ADAMTSL3: variants seen among roughly 807,000 people sequenced by gnomAD.
The protein encoded by ADAMTSL3 is ADAMTS-like protein 3.
A neutral mutation model predicts 201.7 loss-of-function variants in ADAMTSL3; 128 were observed. The ratio of observed to expected loss-of-function variants is 0.63; its 90% CI spans 0.55 to 0.73. The LOEUF is 0.73. Ranked by LOEUF, ADAMTSL3 falls within the 30% of genes least tolerant of loss-of-function variation. The pLI is 0.00. For synonymous variants in ADAMTSL3, 738 were observed against 748.4 expected (o/e 0.99, Z 0.23); for missense variants, 1,990 against 2,119.6 (o/e 0.94, Z 1.20).
intron 10 of ADAMTSL3, among the ~76,000 whole-genome samples, chr15:83,887,861 G>C (rs1166133162): frequency 1.3e-5 from 2 of 152,062 alleles, no homozygotes; most frequent in Non-Finnish European, 2.9e-5. Context: ...GAGTAGCTGG[G>C]AGTGCAGGCG....
chr15:83,675,219 C>G (rs2061386627), intron 2 of ADAMTSL3, among the ~76,000 whole-genome samples: 2 of 152,120 alleles, frequency 1.3e-5, no homozygotes, highest in South Asian at 2.1e-4. Context: ...TATGTGCTGC[C>G]TTGATATCTG....
chr15:83,744,276 A>G (rs1469364608), intron 3 of ADAMTSL3, among the ~76,000 whole-genome samples: 3 of 152,206 alleles, frequency 2.0e-5, no homozygotes, highest in African/African-American at 2.4e-5. Flanking sequence ...AAAACCACAC[A>G]CGTGACTTAA....
intron 23 of ADAMTSL3, among the ~76,000 whole-genome samples, chr15:84,002,273 T>G (rs1442904854): frequency 6.6e-6 from 1 of 152,184 alleles, no homozygotes; most frequent in Non-Finnish European, 1.5e-5. Context: ...ACCTTGTGCT[T>G]TGGCTTATGG....
chr15:83,714,178 G>A (rs947559479), intron 3 of ADAMTSL3, among the ~76,000 whole-genome samples: 1 of 152,172 alleles, frequency 6.6e-6, no homozygotes, highest in Non-Finnish European at 1.5e-5. Context: ...CACTGAGACA[G>A]TCCCAATTTC....
intron 5 of ADAMTSL3, among the ~76,000 whole-genome samples, chr15:83,818,216 C>G (rs1301783340): frequency 6.6e-6 from 1 of 152,086 alleles, no homozygotes; most frequent in Non-Finnish European, 1.5e-5. Flanking sequence ...ATACAAAGAT[C>G]TATGTTATTT....
chr15:83,715,341 T>C (rs1375439627), intron 3 of ADAMTSL3, among the ~76,000 whole-genome samples: 1 of 152,228 alleles, frequency 6.6e-6, no homozygotes, highest in African/African-American at 2.4e-5. Context: ...TGGACAGGTT[T>C]CTGTTTCTAA....
intron 1 of ADAMTSL3, 138 bp from the exon 2 acceptor site, chr15:83,655,591 G>A (rs536756037): frequency 3.0e-5 from 19 of 637,722 alleles, no homozygotes; most frequent in South Asian, 3.0e-4. Context: ...AGTAGGCAGC[G>A]GCAACCTGGG....
chr15:83,720,171 A>G (rs2062078828), intron 3 of ADAMTSL3, among the ~76,000 whole-genome samples: 1 of 152,190 alleles, frequency 6.6e-6, no homozygotes, highest in African/African-American at 2.4e-5. Context: ...GTGAGCAGAA[A>G]TCATACCACT....
chr15:83,948,251 A>G (rs574540363), intron 19 of ADAMTSL3, among the ~76,000 whole-genome samples: 15 of 152,254 alleles, frequency 9.9e-5, no homozygotes, highest in Non-Finnish European at 1.8e-4. Flanking sequence ...ACCACTTATG[A>G]TCTCATCCCA....
intron 2 of ADAMTSL3, among the ~76,000 whole-genome samples, chr15:83,678,244 T>G (rs555229482): frequency 3.3e-5 from 5 of 152,254 alleles, no homozygotes; most frequent in African/African-American, 1.2e-4. Context: ...TGTTGTTTCT[T>G]CCTTCCAAGA....
chr15:83,679,988 C>T (rs749552039), intron 2 of ADAMTSL3, among the ~76,000 whole-genome samples: 1 of 152,156 alleles, frequency 6.6e-6, no homozygotes, highest in African/African-American at 2.4e-5. Context: ...CCCAGAGTGT[C>T]CACTACCATT....
intron 22 of ADAMTSL3, among the ~76,000 whole-genome samples, chr15:83,989,982 G>A (rs970745489): frequency 6.6e-6 from 1 of 152,170 alleles, no homozygotes; most frequent in Non-Finnish European, 1.5e-5. Context: ...GTGTAGAGAT[G>A]TAAATAATGT....
chr15:83,951,551 A>G (rs908702493), intron 19 of ADAMTSL3, among the ~76,000 whole-genome samples: 7 of 152,246 alleles, frequency 4.6e-5, no homozygotes, highest in East Asian at 1.9e-4. Context: ...GAAGTATTCT[A>G]TCCTCCACTA....
At chr15:83,926,239 A>G (rs1304087378) in intron 17 of ADAMTSL3, among the ~76,000 whole-genome samples, 1 of 152,168 alleles carries the variant, frequency 6.6e-6, no homozygotes, top group East Asian at 1.9e-4. Context: ...CAAAGGCCCC[A>G]AGGAAAGAAA....
intron 23 of ADAMTSL3, among the ~76,000 whole-genome samples, chr15:83,997,953 T>G (rs2067717929): frequency 6.6e-6 from 1 of 151,706 alleles, no homozygotes; most frequent in South Asian, 2.1e-4. Context: ...GTGCTTGAAC[T>G]AAGATACCTG....
intron 6 of ADAMTSL3, among the ~76,000 whole-genome samples, chr15:83,825,367 T>A (rs1369079521): frequency 3.3e-5 from 5 of 152,172 alleles, no homozygotes; most frequent in African/African-American, 1.2e-4. Flanking sequence ...TCACAACACT[T>A]TGGGAGGCCA....
intron 28 of ADAMTSL3, among the ~76,000 whole-genome samples, chr15:84,031,780 C>A (rs1287123278): frequency 6.6e-6 from 1 of 152,144 alleles, no homozygotes; most frequent in African/African-American, 2.4e-5. Flanking sequence ...CAGATTAAAT[C>A]TTCTTAATGC....
chr15:83,758,834 A>G (rs546751603), intron 3 of ADAMTSL3, among the ~76,000 whole-genome samples: 10 of 152,270 alleles, frequency 6.6e-5, no homozygotes, highest in African/African-American at 1.9e-4. Flanking sequence ...ATTATTTTCA[A>G]ATATTTTTCC....
chr15:83,809,071 C>T (rs1231136765), intron 5 of ADAMTSL3, among the ~76,000 whole-genome samples: 1 of 151,994 alleles, frequency 6.6e-6, no homozygotes, highest in Non-Finnish European at 1.5e-5. Context: ...TCCTGTTGCA[C>T]AGTGGAGTAG....
Sources: gnomAD v4.1 joint callset for allele counts (sites outside exome capture counted in the v4.1 genomes callset) on GRCh38, gnomAD v4.1.1 for gene constraint, MANE v1.5 for transcripts, NCBI Gene and HGNC (gene_info 2026-07-23, HGNC 2026-07-21) for gene names.